IDE: variants seen among roughly 807,000 people sequenced by gnomAD.
IDE encodes insulin degrading enzyme.
A neutral mutation model predicts 133.2 loss-of-function variants in IDE; 58 were observed. The ratio of observed to expected loss-of-function variants is 0.44; its 90% CI spans 0.35 to 0.54. The LOEUF is 0.54. Among genes scored for constraint, IDE ranks in the 20% least tolerant of loss-of-function variants. The probability of loss-of-function intolerance (pLI) is 0.00; values close to 1 mark genes in which losing one functional copy is unlikely to be tolerated. For synonymous variants in IDE, 396 were observed against 421.3 expected (o/e 0.94, Z 0.73); for missense variants, 981 against 1,234.0 (o/e 0.79, Z 3.07).
In IDE at chr10:92,490,592, A is replaced by G. The variant is rs1191613018; in HGVS notation, c.1434T>C (p.Val478=). 1 of 1,592,760 alleles carries G rather than the reference A, an allele frequency of 6.3e-7. No individual in the cohort carries two copies. The highest frequency in any genetic ancestry group is 1.1e-5 in the South Asian group (1 of 90,330). The change falls in exon 12 of 25, where the codon GTT becomes GTC. Residue 478 remains valine (V), a synonymous_variant. Coordinates refer to ENST00000265986, the MANE Select transcript of IDE (RefSeq NM_004969.4). ...LDKLRPENVR[V]AIVSKSFEGK... The stretch of plus-strand genomic sequence containing the variant: ...CTTCAAAAGATTTAGAAACTATGGC[A>G]ACCCTAGAGATAGAAAAAACAAACA...
chr10:92,558,385 C>T (rs1843115272), intron 1 of IDE, among the ~76,000 whole-genome samples: 2 of 152,176 alleles, frequency 1.3e-5, no homozygotes, highest in South Asian at 2.1e-4. Flanking sequence ...AAACTTAAAT[C>T]TTTGTGACCT....
intron 11 of IDE, among the ~76,000 whole-genome samples, chr10:92,503,998 A>T (rs1848165773): frequency 6.7e-6 from 1 of 149,566 alleles, no homozygotes; most frequent in African/African-American, 2.5e-5. Flanking sequence ...GATTACAGGC[A>T]GGAGCCACCG....
At chr10:92,504,584 G>C (rs533639783) in intron 11 of IDE, among the ~76,000 whole-genome samples, 175 of 152,198 alleles carry the variant, frequency 1.1e-3, no homozygotes, top group African/African-American at 4.0e-3. Context: ...GGGTGGAAGG[G>C]GGATGACTGA....
intron 5 of IDE, among the ~76,000 whole-genome samples, chr10:92,514,616 T>C (rs1000072128): frequency 5.9e-5 from 9 of 152,138 alleles, no homozygotes; most frequent in African/African-American, 2.2e-4. Context: ...AAAAAATTTT[T>C]TTTGGTAGAG....
intron 11 of IDE, among the ~76,000 whole-genome samples, chr10:92,493,912 T>G (rs1445827023): frequency 1.3e-5 from 2 of 152,104 alleles, no homozygotes; most frequent in African/African-American, 4.8e-5. Context: ...TATAGATACC[T>G]ATGAACCAGA....
At chr10:92,503,892 AT>A (rs1848161153) in intron 11 of IDE, among the ~76,000 whole-genome samples, 2 of 151,826 alleles carry the variant, frequency 1.3e-5, no homozygotes, top group South Asian at 4.2e-4. Flanking sequence ...CTAATTTTGT[AT>A]TTTTATTAGA....
intron 22 of IDE, among the ~76,000 whole-genome samples, chr10:92,458,392 T>C (rs1380222104): frequency 2.0e-5 from 3 of 152,120 alleles, no homozygotes; most frequent in African/African-American, 7.2e-5. Context: ...TGAAACCCTT[T>C]TCCTAGGTAC....
chr10:92,544,614 C>T lies in IDE; in HGVS notation c.99-7064G>A, dbSNP rs573654620. Among the ~76,000 whole-genome samples, 165 of 152,330 alleles carry T rather than the reference C, an allele frequency of 1.1e-3. 2 individuals are homozygous for T. In the South Asian group the frequency reaches 0.029, roughly 27 times the overall value. On this transcript the variant is annotated intron_variant, in intron 1 of 24. Transcript: ENST00000265986. ...TTCTCCAGCTCCTGTTTATCACCCT[C>T]ACAGTCCTTCCCTAGCCCCATTCTT...
intron 11 of IDE, among the ~76,000 whole-genome samples, chr10:92,502,939 A>T (rs1848102306): frequency 6.6e-6 from 1 of 152,224 alleles, no homozygotes; most frequent in African/African-American, 2.4e-5. Flanking sequence ...GGGACTTAAA[A>T]TATTGGCAAG....
intron 4 of IDE, among the ~76,000 whole-genome samples, chr10:92,528,872 T>C (rs995809725): frequency 1.3e-5 from 2 of 150,942 alleles, no homozygotes; most frequent in Non-Finnish European, 3.0e-5. Context: ...AGGTCAGGAG[T>C]TCGAGACCAG....
At chr10:92,522,061 C>CA (rs987472968) in intron 4 of IDE, among the ~76,000 whole-genome samples, 193 of 138,320 alleles carry the variant, frequency 1.4e-3, no homozygotes, top group Admixed American at 3.0e-3. Flanking sequence ...AAATTCTTCA[C>CA]AAAAAAAAAA....
At chr10:92,454,575 C>G in intron 24 of IDE, 36 bp from the exon 25 acceptor site, 1 of 1,460,678 alleles carries the variant, frequency 6.8e-7, no homozygotes, top group South Asian at 1.1e-5. Context: ...GTGTATTTAA[C>G]CTAAACATCA....
chr10:92,468,901 A>G lies in IDE; in HGVS notation c.2298T>C (p.Tyr766=). The change falls in exon 19 of 25, where the codon TAT becomes TAC. Residue 766 remains tyrosine (Y), a synonymous_variant. Transcript: ENST00000265986. The part of the protein sequence containing the change: ...KPLLPSQLVR[Y]REVQLPDRGW... Reference sequence around the variant, plus strand: ...TACTGTCAGGGAGCTGAACTTCTCTATACCGAACCAGCTGACTTGGAAGGA... The same window carrying G: ...TACTGTCAGGGAGCTGAACTTCTCTGTACCGAACCAGCTGACTTGGAAGGA... The G allele has an allele frequency of 1.2e-6, 2 of 1,607,250 alleles. No homozygotes were observed. The highest frequency in any genetic ancestry group is 1.7e-6 in the Non-Finnish European group (2 of 1,173,712).
intron 1 of IDE, among the ~76,000 whole-genome samples, chr10:92,556,049 T>C (rs1487674305): frequency 2.6e-5 from 4 of 151,118 alleles, no homozygotes; most frequent in Non-Finnish European, 5.9e-5. Flanking sequence ...GGCGGGCGCC[T>C]GTAGTCCCAG....
At chr10:92,552,394 G>A (rs1842825117) in intron 1 of IDE, among the ~76,000 whole-genome samples, 1 of 152,098 alleles carries the variant, frequency 6.6e-6, no homozygotes, top group South Asian at 2.1e-4. Context: ...TACTAAGTTG[G>A]AATCAAAGGT....
intron 4 of IDE, among the ~76,000 whole-genome samples, chr10:92,531,108 T>C (rs1382203006): frequency 1.3e-5 from 2 of 152,198 alleles, no homozygotes; most frequent in Non-Finnish European, 2.9e-5. Context: ...TAGACAGACT[T>C]TGTGTTTCTG....
intron 24 of IDE, 28 bp from the exon 25 acceptor site, chr10:92,454,567 G>A (rs1330458213): frequency 6.6e-7 from 1 of 1,517,564 alleles, no homozygotes; most frequent in African/African-American, 1.4e-5. Context: ...TCCTTTTAGT[G>A]TATTTAACCT....
rs141849766 is a variant in IDE, at chr10:92,470,263, T to G, written c.2199A>C (p.Ile733=). The change falls in exon 18 of 25, where the codon ATA becomes ATC. Residue 733 remains isoleucine, a synonymous_variant. Coordinates refer to ENST00000265986, the MANE Select transcript of IDE (RefSeq NM_004969.4). ...AACCTCAACCACCCACCTGCTTTGT[T>G]ATGTTTCCATGGAGAAGGGCTTCAA... ...LHIEALLHGN[I]TKQAALGIMQ... 4.4e-6 allele frequency: 7 copies of G among 1,603,342 alleles called. No homozygotes were observed. Among genetic ancestry groups the G allele is most frequent in the Non-Finnish European group, 6.0e-6 (7 of 1,174,508 alleles).
intron 1 of IDE, among the ~76,000 whole-genome samples, chr10:92,555,241 G>C (rs1842952930): frequency 6.6e-6 from 1 of 152,180 alleles, no homozygotes; most frequent in Non-Finnish European, 1.5e-5. Context: ...GCTCACGCCT[G>C]TAATCCCAAC....
Sources: allele counts gnomAD v4.1 joint callset (sites outside exome capture counted in the v4.1 genomes callset), GRCh38; gene constraint gnomAD v4.1.1; transcripts MANE v1.5; gene names NCBI Gene and HGNC (gene_info 2026-07-23, HGNC 2026-07-21).